The following CNTN4 variants were observed in gnomAD, a reference collection of about 807,000 sequenced individuals.
CNTN4 encodes the protein contactin 4, also known as contactin-4.
In CNTN4, 77 loss-of-function variants were observed where a neutral mutation model predicts 122.5. The ratio of observed to expected loss-of-function variants is 0.63; its 90% CI spans 0.52 to 0.76. The LOEUF (loss-of-function observed/expected upper bound fraction) is 0.76. CNTN4 is among the 30% of genes least tolerant of loss of function. CNTN4 has a pLI of 0.00. For missense variants in CNTN4, 1,256 were observed against 1,259.1 expected, an observed-to-expected ratio of 1.00 and a Z score of 0.04; for synonymous variants, 512 against 447.0, an observed-to-expected ratio of 1.15 and a Z score of -1.83.
chr3:2,735,607 A>G (rs1257096793), intron 4 of CNTN4, among the ~76,000 whole-genome samples: 2 of 152,234 alleles, frequency 1.3e-5, no homozygotes, highest in Non-Finnish European at 2.9e-5. Context: ...AAGGTAGACC[A>G]TATATGGCTT....
intron 6 of CNTN4, among the ~76,000 whole-genome samples, chr3:2,748,928 C>T (rs944633010): frequency 2.2e-4 from 34 of 152,104 alleles, no homozygotes; most frequent in Non-Finnish European, 4.4e-5. Context: ...TTTTTTGCAA[C>T]AGGATCTTGA....
chr3:2,519,547 A>G (rs192524364), intron 3 of CNTN4, among the ~76,000 whole-genome samples: 1 of 152,316 alleles, frequency 6.6e-6, no homozygotes, highest in Non-Finnish European at 1.5e-5. Flanking sequence ...CCACGAAGCT[A>G]GAACTCTATT....
intron 6 of CNTN4, among the ~76,000 whole-genome samples, chr3:2,784,927 G>A (rs1399022306): frequency 6.6e-6 from 1 of 152,092 alleles, no homozygotes. Flanking sequence ...AAACTAATGA[G>A]TTCTTTCTTT....
At chr3:2,608,740 C>T (rs1338681104) in intron 4 of CNTN4, among the ~76,000 whole-genome samples, 1 of 152,210 alleles carries the variant, frequency 6.6e-6, no homozygotes, top group African/African-American at 2.4e-5. Flanking sequence ...CTCGGCCTGG[C>T]CTCCCAGAGT....
At chr3:3,031,585 A>AC (rs11428184) in intron 16 of CNTN4, among the ~76,000 whole-genome samples, 72,347 of 151,488 alleles carry the variant, frequency 0.48, 18,074 homozygotes, top group Middle Eastern at 0.61. Context: ...AAGAGCTATG[A>AC]CCCCCCCGGC....
chr3:3,045,373 AC>A (rs1171190881), intron 23 of CNTN4, among the ~76,000 whole-genome samples: 1 of 152,060 alleles, frequency 6.6e-6, no homozygotes, highest in African/African-American at 2.4e-5. Context: ...ACTGGGAGGT[AC>A]CCCCCAGTAG....
At chr3:2,964,766 A>G (rs988733114) in intron 13 of CNTN4, among the ~76,000 whole-genome samples, 5 of 152,206 alleles carry the variant, frequency 3.3e-5, no homozygotes, top group African/African-American at 1.2e-4. Context: ...AGACACAATT[A>G]TTCAGGTATA....
chr3:2,345,483 G>C (rs1169482156), intron 3 of CNTN4, among the ~76,000 whole-genome samples: 5 of 152,080 alleles, frequency 3.3e-5, no homozygotes, highest in Non-Finnish European at 5.9e-5. Context: ...TTTTCCTTAT[G>C]GTTAATGGAA....
At chr3:2,931,548 C>T (rs2094520544) in intron 13 of CNTN4, among the ~76,000 whole-genome samples, 1 of 151,852 alleles carries the variant, frequency 6.6e-6, no homozygotes, top group Admixed American at 6.6e-5. Context: ...ATGGTAAAAC[C>T]CTCACCTTCT....
chr3:2,705,027 A>C (rs1421499792), intron 4 of CNTN4, among the ~76,000 whole-genome samples: 14 of 151,932 alleles, frequency 9.2e-5, no homozygotes. Flanking sequence ...ACAGACATAC[A>C]TATGTGTGTA....
intron 3 of CNTN4, among the ~76,000 whole-genome samples, chr3:2,554,158 G>A (rs1310198659): frequency 2.0e-5 from 3 of 152,076 alleles, no homozygotes; most frequent in African/African-American, 7.2e-5. Context: ...ATTCAAGTGA[G>A]CGAATAAAAA....
intron 3 of CNTN4, among the ~76,000 whole-genome samples, chr3:2,391,040 A>T (rs781628082): frequency 5.2e-4 from 79 of 152,210 alleles, no homozygotes; most frequent in Non-Finnish European, 1.2e-4. Context: ...GCAGATTCCA[A>T]ATAGCTGGAC....
chr3:2,492,782 T>C (rs1125101), intron 3 of CNTN4, among the ~76,000 whole-genome samples: 109 of 152,280 alleles, frequency 7.2e-4, no homozygotes, highest in East Asian at 4.5e-3. Context: ...TTAGCTGTCT[T>C]TGTTGATATC....
chr3:2,703,031 C>G (rs1287287931), intron 4 of CNTN4, among the ~76,000 whole-genome samples: 1 of 152,172 alleles, frequency 6.6e-6, no homozygotes, highest in Non-Finnish European at 1.5e-5. Context: ...ATGGGAGTTA[C>G]TATTCCAAGG....
chr3:2,595,790 A>G (rs2080741120), intron 4 of CNTN4, among the ~76,000 whole-genome samples: 1 of 152,138 alleles, frequency 6.6e-6, no homozygotes, highest in African/African-American at 2.4e-5. Context: ...AGTCCTGCTC[A>G]TTTAAACTTA....
chr3:2,262,582 C>T (rs1397953001), intron 2 of CNTN4, among the ~76,000 whole-genome samples: 1 of 149,888 alleles, frequency 6.7e-6, no homozygotes, highest in Non-Finnish European at 1.5e-5. Context: ...TTTTGAGGTT[C>T]ACAAATGTGA....
intron 4 of CNTN4, among the ~76,000 whole-genome samples, chr3:2,607,200 A>C (rs569286019): frequency 6.6e-6 from 1 of 152,178 alleles, no homozygotes; most frequent in Non-Finnish European, 1.5e-5. Flanking sequence ...GAAAGAGTAG[A>C]AATTATTGTA....
At chr3:3,004,460 G>C (rs1298518770) in intron 14 of CNTN4, among the ~76,000 whole-genome samples, 1 of 152,164 alleles carries the variant, frequency 6.6e-6, no homozygotes, top group Non-Finnish European at 1.5e-5. Flanking sequence ...ATTTAAGGCA[G>C]AGTTACTGGA....
intron 3 of CNTN4, among the ~76,000 whole-genome samples, chr3:2,453,426 G>A (rs1052077594): frequency 6.6e-6 from 1 of 151,966 alleles, no homozygotes; most frequent in African/African-American, 2.4e-5. Context: ...AATGATAGCT[G>A]CTTGTTGTTA....
Sources: gnomAD v4.1 joint callset for allele counts (sites outside exome capture counted in the v4.1 genomes callset) on GRCh38, gnomAD v4.1.1 for gene constraint, MANE v1.5 for transcripts, NCBI Gene and HGNC (gene_info 2026-07-23, HGNC 2026-07-21) for gene names.